Variants in ARHGEF1 observed in about 807,000 individuals in gnomAD.
The protein encoded by ARHGEF1 is Rho guanine nucleotide exchange factor 1, also known as 115 kDa guanine nucleotide exchange factor.
Under a neutral mutation model 119.7 loss-of-function variants are expected in ARHGEF1, and 40 were observed. The ratio of observed to expected loss-of-function variants is 0.33; its 90% CI spans 0.26 to 0.44. ARHGEF1 has a LOEUF of 0.44. Ranked by LOEUF, ARHGEF1 falls within the 20% of genes least tolerant of loss-of-function variation. The pLI, the probability that ARHGEF1 is intolerant of heterozygous loss-of-function variation, is 1.00. For synonymous variants in ARHGEF1, 494 were observed against 521.0 expected, an observed-to-expected ratio of 0.95 and a Z score of 0.71; for missense variants, 976 against 1,268.3, an observed-to-expected ratio of 0.77 and a Z score of 3.50.
chr19:41,894,585 C>T, intron 10 of ARHGEF1, 38 bp downstream of exon 10: 3 of 1,614,052 alleles, frequency 1.9e-6, no homozygotes, highest in Non-Finnish European at 2.5e-6. Flanking sequence ...CCTGTCTTCC[C>T]CAGCTGCTCC....
At chr19:41,887,334 G>T (rs1265206725) in intron 1 of ARHGEF1, among the ~76,000 whole-genome samples, 1 of 152,112 alleles carries the variant, frequency 6.6e-6, no homozygotes, top group Non-Finnish European at 1.5e-5. Flanking sequence ...AGAGCTGGCT[G>T]CGGACAGACC....
At chr19:41,928,332 A>T (rs2074884310) in intron 1 of ARHGEF1, 1 of 152,180 alleles carries the variant, frequency 6.6e-6, no homozygotes, top group Admixed American at 6.6e-5. Context: ...ATAGACGCGC[A>T]AAGAGAGCAG....
intron 13 of ARHGEF1, chr19:41,897,980 C>T (rs1320456112): frequency 5.3e-6 from 7 of 1,324,732 alleles, no homozygotes; most frequent in Non-Finnish European, 6.7e-6. Context: ...AGAGAGCCTG[C>T]GGGTGAGTGA....
At chr19:41,926,682 C>T (rs1599682561) in intron 1 of ARHGEF1, among the ~76,000 whole-genome samples, 1 of 150,412 alleles carries the variant, frequency 6.6e-6, no homozygotes, top group East Asian at 2.0e-4. Flanking sequence ...CTTGGCGATG[C>T]GGAGCGCGTC....
Position 41,902,671 on chromosome 19 carries a change from C to T in ARHGEF1, c.1623+13C>T. The T allele has an allele frequency of 1.9e-6, 3 of 1,614,032 alleles. No individual in the cohort carries two copies. The highest frequency in any genetic ancestry group is 2.5e-6 in the Non-Finnish European group (3 of 1,179,916). On this transcript the variant is annotated intron_variant, in intron 17 of 28. Coordinates refer to ENST00000354532, the MANE Select transcript of ARHGEF1 (RefSeq NM_004706.4). This position sits in a 1 kb window ranked among gnomAD's most constrained non-coding sequence, Gnocchi z 6.5. ...TGCCTTCGTGCAGGTGAGGTGGGGT[C>T]TGGACTCCAGCTTCCCAGGGAGGAG...
chr19:41,888,585 A>G lies in ARHGEF1; in HGVS notation c.112-167A>G, dbSNP rs2074330063. Among the ~76,000 whole-genome samples the G allele has an allele frequency of 6.6e-6, 1 of 152,136 alleles. No individual in the cohort carries two copies. The highest frequency in any genetic ancestry group is 2.1e-4 in the South Asian group (1 of 4,830). On this transcript the variant is annotated intron_variant, in intron 3 of 28. Coordinates refer to ENST00000354532, the MANE Select transcript of ARHGEF1 (RefSeq NM_004706.4). This position sits in a 1 kb window ranked among gnomAD's most constrained non-coding sequence, Gnocchi z 5.1. ...ATTAAGTCTCATCCATTCTCCCTGAACACCTGCCCTTGCTGTCACCATCAT... is the reference window on the plus strand; with the variant it reads ...ATTAAGTCTCATCCATTCTCCCTGAGCACCTGCCCTTGCTGTCACCATCAT...
At chr19:41,915,807 T>C (rs1199667649) in intron 18 of ARHGEF1, among the ~76,000 whole-genome samples, 1 of 152,120 alleles carries the variant, frequency 6.6e-6, no homozygotes, top group African/African-American at 2.4e-5. Flanking sequence ...GATCGACTGA[T>C]GGAGGGAGCG....
chr19:41,910,854 C>T (rs1195781935), downstream of ARHGEF1, among the ~76,000 whole-genome samples: 12 of 152,188 alleles, frequency 7.9e-5, no homozygotes, highest in Non-Finnish European at 5.9e-5. This position sits in a 1 kb window ranked among gnomAD's most constrained non-coding sequence, Gnocchi z 4.4. Flanking sequence ...GCCACCAAGG[C>T]TGACATGGCA....
chr19:41,896,113 T>C (rs1173361227), intron 12 of ARHGEF1, among the ~76,000 whole-genome samples: 2 of 152,136 alleles, frequency 1.3e-5, no homozygotes, highest in African/African-American at 4.8e-5. Context: ...GAGAGATGTT[T>C]GTGACCTATT....
intron 18 of ARHGEF1, among the ~76,000 whole-genome samples, chr19:41,918,025 A>G (rs1306716020): frequency 6.6e-6 from 1 of 151,070 alleles, no homozygotes; most frequent in East Asian, 1.9e-4. Context: ...GCACCAGGAG[A>G]CCCTGTGCCT....
rs1262484120 is a variant in ARHGEF1, at chr19:41,895,426, C to G, written c.955C>G (p.Gln319Glu). 1 of 1,612,724 alleles carries G rather than the reference C, an allele frequency of 6.2e-7. No homozygotes were observed. Among genetic ancestry groups the G allele is most frequent in the African/African-American group, 1.3e-5 (1 of 74,976 alleles). ...SRDRNIGAPG[Q>E]DTPGVSLHPL... ...GGACCGGAATATCGGGGCTCCTGGG[C>G]AGGACACCCCTGGAGTCTCTCTGCA... Residue 319 changes from glutamine to glutamate, a missense_variant, in exon 12 of 29, where the codon CAG becomes GAG. Gln to Glu is a conservative substitution (Grantham distance 29). Transcript: ENST00000354532.
At position 41,888,103 on chromosome 19, in the gene ARHGEF1, G is replaced by T; in HGVS notation, c.21G>T (p.Gly7=). The T allele has an allele frequency of 6.2e-7, 1 of 1,613,940 alleles. No individual in the cohort carries two copies. Among genetic ancestry groups the T allele is most frequent in the Non-Finnish European group, 8.5e-7 (1 of 1,180,008 alleles). The change falls in exon 2 of 29, where the codon GGG becomes GGT. Residue 7 remains glycine (G), a synonymous_variant. Transcript: ENST00000354532. The surrounding 1 kb of genome is among the most constrained non-coding windows in gnomAD (Gnocchi z 5.1). Reference sequence around the variant, plus strand: ...GGGAGATGGAAGACTTCGCCCGAGGGGCGGTGAGTGGACAGAGCAAGGGGT... The same window carrying T: ...GGGAGATGGAAGACTTCGCCCGAGGTGCGGTGAGTGGACAGAGCAAGGGGT... The part of the protein sequence containing the change: MEDFAR[G]AASPGPSRPG...
chr19:41,921,061 G>A (rs2074839213), upstream of ARHGEF1, among the ~76,000 whole-genome samples: 2 of 152,210 alleles, frequency 1.3e-5, no homozygotes, highest in South Asian at 2.1e-4. This position sits in a 1 kb window ranked among gnomAD's most constrained non-coding sequence, Gnocchi z 4.4. Context: ...GGTGGCGAGG[G>A]AGCGTCCCCG....
At chr19:41,884,769 T>G (rs1336731814) in intron 1 of ARHGEF1, among the ~76,000 whole-genome samples, 3 of 152,124 alleles carry the variant, frequency 2.0e-5, no homozygotes, top group Admixed American at 6.5e-5. Flanking sequence ...CGGGGCTCTA[T>G]AGACCATGGG....
In ARHGEF1 at chr19:41,917,624, C is replaced by T. The variant is rs2074809842; in HGVS notation, c.1866-5468C>T. Among the ~76,000 whole-genome samples, 1 of 151,930 alleles carries T rather than the reference C, an allele frequency of 6.6e-6. No individual in the cohort carries two copies. The highest frequency in any genetic ancestry group is 1.5e-5 in the Non-Finnish European group (1 of 67,954). ...CTTCTGCCACCGCCGCCCCCGCATG[C>T]ACACACCATGCCCCAAAGCACACGC... On this transcript the variant is annotated intron_variant, in intron 18 of 20. Coordinates refer to the ARHGEF1 transcript ENST00000599589. This position sits in a 1 kb window ranked among gnomAD's most constrained non-coding sequence, Gnocchi z 4.8.
chr19:41,915,939 T>TC (rs1186463264), intron 18 of ARHGEF1, among the ~76,000 whole-genome samples: 7 of 139,408 alleles, frequency 5.0e-5, no homozygotes, highest in Middle Eastern at 3.8e-3. Context: ...CCCACCCCCC[T>TC]CCCCCCCGCC....
chr19:41,900,631 T>C (rs1436286563), intron 14 of ARHGEF1, among the ~76,000 whole-genome samples: 1 of 152,074 alleles, frequency 6.6e-6, no homozygotes, highest in Non-Finnish European at 1.5e-5. Context: ...AGCTGCAAGC[T>C]TGCTGGCAGG....
chr19:41,904,017 C>T lies in ARHGEF1; in HGVS notation c.1918-18C>T. On this transcript the variant is annotated intron_variant, in intron 20 of 28. Transcript: ENST00000354532. The surrounding 1 kb of genome is among the most constrained non-coding windows in gnomAD (Gnocchi z 8.4). ...CCCCCTGCCAACCTGCACAAACCAT[C>T]ACCCCCTCCTGCCCCAGAACCTGGA... 6.2e-7 allele frequency: 1 copy of T among 1,603,936 alleles called. No individual in the cohort carries two copies. Among genetic ancestry groups the T allele is most frequent in the South Asian group, 1.1e-5 (1 of 90,858 alleles).
In ARHGEF1 at chr19:41,916,185, C is replaced by G. The variant is rs1468619643; in HGVS notation, c.1866-6907C>G. ...CACACCAACCCAGGCACGCACACCA[C>G]CACGTCCCACACAGCACACATCGCA... On this transcript the variant is annotated intron_variant, in intron 18 of 20. Coordinates refer to the ARHGEF1 transcript ENST00000599589. The surrounding 1 kb of genome is among the most constrained non-coding windows in gnomAD (Gnocchi z 5.4). 6.6e-6 allele frequency among the ~76,000 whole-genome samples: 1 copy of G among 152,006 alleles called. No homozygotes were observed. The highest frequency in any genetic ancestry group is 1.5e-5 in the Non-Finnish European group (1 of 67,982).
Sources: gnomAD v4.1 joint callset for allele counts (sites outside exome capture counted in the v4.1 genomes callset) on GRCh38, gnomAD v4.1.1 for gene constraint, Gnocchi (gnomAD v3.1) non-coding constraint, MANE v1.5 for transcripts, NCBI Gene and HGNC (gene_info 2026-07-23, HGNC 2026-07-21) for gene names.